The following DOCK10 variants were observed in gnomAD, a reference collection of about 807,000 sequenced individuals.
DOCK10 encodes dedicator of cytokinesis protein 10.
DOCK10 carries 145 observed loss-of-function variants against 280.1 expected under a neutral mutation model. The observed-to-expected ratio is 0.52, with a 90% CI of 0.45 to 0.59. The LOEUF (loss-of-function observed/expected upper bound fraction) is 0.59. DOCK10 is among the 20% of genes least tolerant of loss of function. The probability of loss-of-function intolerance (pLI) is 0.00; values close to 1 mark genes in which losing one functional copy is unlikely to be tolerated. For synonymous variants in DOCK10, 915 were observed against 942.2 expected (o/e 0.97, Z 0.53); for missense variants, 2,368 against 2,651.7 (o/e 0.89, Z 2.35).
At position 224,787,053 on chromosome 2, in the gene DOCK10, C is replaced by T. The variant is rs1452682482; in HGVS notation, c.5624G>A (p.Gly1875Asp). The T allele has an allele frequency of 6.8e-6, 11 of 1,613,862 alleles. No homozygotes were observed. The highest frequency in any genetic ancestry group is 1.3e-5 in the African/African-American group (1 of 74,920). ...ATAAAATGCCACACGATAGTAGCGA[C>T]CAAACAGCCGCTTCTCCGAATTCAC... The part of the protein sequence containing the change: ...EVVNSEKRLF[G>D]RYYRVAFYGQ... Residue 1875 changes from glycine to aspartate, a missense_variant, in exon 50 of 56, where the codon GGT becomes GAT. Coordinates refer to ENST00000258390, the MANE Select transcript of DOCK10 (RefSeq NM_014689.3).
intron 1 of DOCK10, among the ~76,000 whole-genome samples, chr2:225,041,006 G>T (rs921655055): frequency 6.6e-6 from 1 of 152,038 alleles, no homozygotes; most frequent in Admixed American, 6.6e-5. Context: ...GCAAGAGAAG[G>T]CACCCTGGCC....
intron 53 of DOCK10, among the ~76,000 whole-genome samples, chr2:224,771,837 A>AT (rs1455409161): frequency 2.7e-5 from 2 of 73,442 alleles, no homozygotes; most frequent in Non-Finnish European, 5.9e-5. Context: ...TTCTCAGCCC[A>AT]TGGGGGACAC....
intron 3 of DOCK10, among the ~76,000 whole-genome samples, chr2:224,896,793 C>A (rs1174746538): frequency 6.6e-6 from 1 of 152,124 alleles, no homozygotes; most frequent in Non-Finnish European, 1.5e-5. Flanking sequence ...AGGTCTTGTG[C>A]CTCTGGGGTG....
At chr2:224,908,048 G>C (rs1212170798) in intron 3 of DOCK10, among the ~76,000 whole-genome samples, 2 of 152,180 alleles carry the variant, frequency 1.3e-5, no homozygotes, top group Non-Finnish European at 2.9e-5. Flanking sequence ...CTGAATGTGT[G>C]TGTGTGTGTG....
chr2:225,029,626 C>T (rs1690021753), intron 1 of DOCK10, among the ~76,000 whole-genome samples: 1 of 152,074 alleles, frequency 6.6e-6, no homozygotes, highest in African/African-American at 2.4e-5. Context: ...ATTTTTAGGA[C>T]AGAATATACC....
chr2:225,040,706 T>C (rs1283639066), intron 1 of DOCK10, among the ~76,000 whole-genome samples: 2 of 152,142 alleles, frequency 1.3e-5, no homozygotes, highest in Non-Finnish European at 2.9e-5. Context: ...TTCAGTCCAA[T>C]GAGTCAATTG....
intron 1 of DOCK10, among the ~76,000 whole-genome samples, chr2:224,969,012 G>GGGCTGCAGAGAGGCACAGTGTC (rs1704930361): frequency 6.6e-6 from 1 of 152,190 alleles, no homozygotes; most frequent in Non-Finnish European, 1.5e-5. Context: ...GAAATAAGGA[G>GGGCTGCAGAGAGGCACAGTGTC]GGCTGCAGAG....
intron 1 of DOCK10, among the ~76,000 whole-genome samples, chr2:224,955,786 C>T (rs912635542): frequency 2.6e-5 from 4 of 152,166 alleles, no homozygotes; most frequent in African/African-American, 9.7e-5. Context: ...TTAAGGTCCC[C>T]AATTAAAGGG....
chr2:224,877,279 GT>G (rs1453162159), intron 7 of DOCK10, among the ~76,000 whole-genome samples: 2 of 152,176 alleles, frequency 1.3e-5, no homozygotes, highest in Non-Finnish European at 2.9e-5. Context: ...ATTTTTGTTT[GT>G]TTTGACAAAT....
intron 7 of DOCK10, among the ~76,000 whole-genome samples, chr2:224,884,405 C>T (rs569681303): frequency 1.3e-5 from 2 of 152,232 alleles, no homozygotes; most frequent in South Asian, 2.1e-4. Context: ...TGGCCTGTGA[C>T]CAGAAATAGA....
chr2:224,948,173 C>A (rs1703534110), intron 1 of DOCK10, among the ~76,000 whole-genome samples: 1 of 152,208 alleles, frequency 6.6e-6, no homozygotes, highest in African/African-American at 2.4e-5. Flanking sequence ...TACCCCAGGC[C>A]TGAGCCATTC....
At chr2:224,961,458 CTT>C (rs1190548768) in intron 1 of DOCK10, among the ~76,000 whole-genome samples, 2 of 129,614 alleles carry the variant, frequency 1.5e-5, no homozygotes, top group Admixed American at 8.4e-5. Context: ...TTCTTTCTTT[CTT>C]TCTTTCTTTT....
intron 2 of DOCK10, among the ~76,000 whole-genome samples, chr2:224,928,555 T>C (rs559857957): frequency 7.3e-4 from 111 of 152,362 alleles, no homozygotes; most frequent in African/African-American, 2.4e-3. Context: ...TTTGCCAAGC[T>C]GTACTCTGTA....
At chr2:224,940,407 C>A (rs1209808333) in intron 1 of DOCK10, among the ~76,000 whole-genome samples, 1 of 152,172 alleles carries the variant, frequency 6.6e-6, no homozygotes, top group Non-Finnish European at 1.5e-5. Context: ...GAATAAGGGA[C>A]TACTATTTCC....
chr2:224,847,660 G>A (rs965650237), intron 19 of DOCK10, among the ~76,000 whole-genome samples: 1 of 152,298 alleles, frequency 6.6e-6, no homozygotes, highest in South Asian at 2.1e-4. Context: ...TAAATATTGT[G>A]TAATGTGGTC....
chr2:224,797,263 C>A, intron 42 of DOCK10, 117 bp from the exon 43 acceptor site: 1 of 731,142 alleles, frequency 1.4e-6, no homozygotes, highest in Non-Finnish European at 1.9e-6. Context: ...TTAACTTGGT[C>A]TATTTTTTTT....
chr2:224,852,933 A>T lies in DOCK10; in HGVS notation c.2076+2T>A. 6.3e-7 allele frequency: 1 copy of T among 1,587,010 alleles called. No individual in the cohort carries two copies. Among genetic ancestry groups the T allele is most frequent in the African/African-American group, 1.3e-5 (1 of 74,376 alleles). ...ATGATATCTCTGGAACTTATATCAT[A>T]CCTTGTTGAAGCATTTCTGGCTATC... is the stretch of plus-strand genomic sequence containing the variant. On this transcript the variant is annotated splice_donor_variant, in intron 17 of 55. Transcript: ENST00000258390. LOFTEE classifies it high-confidence loss of function.
chr2:225,022,483 A>T lies in DOCK10; in HGVS notation c.123+19769T>A, dbSNP rs183786711. On this transcript the variant is annotated intron_variant, in intron 1 of 55. Transcript: ENST00000258390. ...ACCTTACCCGTAGCAACTCTGTGAC[A>T]GTAAAAACAAATCTTCCTTCTCCAT... Among the ~76,000 whole-genome samples the T allele has an allele frequency of 3.6e-3, 556 of 152,334 alleles. 6 individuals are homozygous for T. Among genetic ancestry groups the T allele is most frequent in the African/African-American group, 0.013 (526 of 41,580 alleles).
intron 1 of DOCK10, among the ~76,000 whole-genome samples, chr2:224,992,582 A>G (rs994514738): frequency 1.8e-4 from 27 of 152,260 alleles, no homozygotes; most frequent in African/African-American, 6.5e-4. Context: ...GATAATGTTT[A>G]GCCTCTCTTT....
Sources: gnomAD v4.1 joint callset for allele counts (sites outside exome capture counted in the v4.1 genomes callset) on GRCh38, gnomAD v4.1.1 for gene constraint, MANE v1.5 for transcripts, NCBI Gene and HGNC (gene_info 2026-07-23, HGNC 2026-07-21) for gene names.